Variants in TPP2 observed in about 807,000 individuals in gnomAD.
TPP2 encodes tripeptidyl peptidase 2.
In TPP2, 34 loss-of-function variants were observed where a neutral mutation model predicts 155.9. That is an observed-to-expected ratio of 0.22 (90% CI 0.17 to 0.29). The LOEUF (loss-of-function observed/expected upper bound fraction) is 0.29. TPP2 is among the 10% of genes least tolerant of loss of function. The probability of loss-of-function intolerance (pLI) is 1.00; values close to 1 mark genes in which losing one functional copy is unlikely to be tolerated. For missense variants in TPP2, 1,028 were observed against 1,522.3 expected (o/e 0.68, Z 5.40); for synonymous variants, 510 against 529.4 (o/e 0.96, Z 0.50).
intron 11 of TPP2, among the ~76,000 whole-genome samples, chr13:102,634,571 T>G (rs1360334345): frequency 6.6e-6 from 1 of 152,176 alleles, no homozygotes; most frequent in Non-Finnish European, 1.5e-5. Flanking sequence ...GTAGCCAGGC[T>G]GCTGTGAAGC....
Position 102,649,145 on chromosome 13 carries a change from A to T in TPP2, c.2867A>T (p.Asp956Val). The T allele has an allele frequency of 1.2e-6, 2 of 1,603,278 alleles. No homozygotes were observed. The highest frequency in any genetic ancestry group is 1.7e-6 in the Non-Finnish European group (2 of 1,175,184). Residue 956 changes from aspartate (D) to valine (V), a missense_variant, in exon 22 of 30, where the codon GAT (aspartate) becomes GTT (valine). Physicochemically the swap from Asp to Val is radical, Grantham distance 152. Coordinates refer to ENST00000376052, the MANE Select transcript of TPP2 (RefSeq NM_001330588.2). ...NQPFFVTSLP[D>V]DKIPKGAGPG... ...CCATTCTTTGTTACTTCCTTACCTGATGATAAGTAAGTGATAACATTGCTT... is the reference window on the plus strand; with the variant it reads ...CCATTCTTTGTTACTTCCTTACCTGTTGATAAGTAAGTGATAACATTGCTT...
intron 27 of TPP2, among the ~76,000 whole-genome samples, chr13:102,673,143 C>A (rs1423011235): frequency 6.6e-6 from 1 of 152,180 alleles, no homozygotes; most frequent in Non-Finnish European, 1.5e-5. Context: ...TGGTACTTAG[C>A]GTTCATGTTC....
chr13:102,601,802 C>G (rs1879449872), intron 1 of TPP2, among the ~76,000 whole-genome samples: 2 of 152,070 alleles, frequency 1.3e-5, no homozygotes, highest in Admixed American at 6.6e-5. Context: ...CTGTTTTTGT[C>G]TTTTTATGTC....
At chr13:102,608,753 T>C (rs1880038384) in intron 2 of TPP2, among the ~76,000 whole-genome samples, 1 of 152,130 alleles carries the variant, frequency 6.6e-6, no homozygotes, top group African/African-American at 2.4e-5. Flanking sequence ...CCTATTCTGC[T>C]TCCTCCTCTC....
intron 2 of TPP2, among the ~76,000 whole-genome samples, chr13:102,605,254 GC>G (rs1879732832): frequency 6.6e-6 from 1 of 152,186 alleles, no homozygotes. Flanking sequence ...TTGGCTCCTT[GC>G]CATTGGGCCT....
At chr13:102,604,599 AG>A (rs1879677085) in intron 1 of TPP2, among the ~76,000 whole-genome samples, 193 bp from the exon 2 acceptor site, 1 of 152,234 alleles carries the variant, frequency 6.6e-6, no homozygotes, top group Non-Finnish European at 1.5e-5. Context: ...AACGACTTGA[AG>A]GATTCTGTAG....
chr13:102,601,761 CT>C (rs1165835864), intron 1 of TPP2, among the ~76,000 whole-genome samples: 1 of 152,078 alleles, frequency 6.6e-6, no homozygotes, highest in Non-Finnish European at 1.5e-5. Flanking sequence ...GGGGGTTTGC[CT>C]TTTTAAAACC....
At chr13:102,656,879 G>A in intron 24 of TPP2, 177 bp from the exon 25 acceptor site, 1 of 491,668 alleles carries the variant, frequency 2.0e-6, no homozygotes. Flanking sequence ...CAGTTTGTGA[G>A]AAAATTACTG....
At chr13:102,671,905 A>G (rs983737708) in intron 27 of TPP2, among the ~76,000 whole-genome samples, 14 of 152,174 alleles carry the variant, frequency 9.2e-5, no homozygotes, top group Non-Finnish European at 1.8e-4. Flanking sequence ...CAGCTGTTTC[A>G]TTACTTTTAT....
rs1885168375 is a variant in TPP2, at chr13:102,674,319, C to T, written c.3408C>T (p.Ala1136=). The T allele has an allele frequency of 6.2e-7, 1 of 1,613,700 alleles. No homozygotes were observed. Among genetic ancestry groups the T allele is most frequent in the South Asian group, 1.1e-5 (1 of 91,054 alleles). Residue 1136 remains alanine (A), a synonymous_variant, in exon 28 of 30, where the codon GCC becomes GCT. Coordinates refer to ENST00000376052, the MANE Select transcript of TPP2 (RefSeq NM_001330588.2). ...MDKQKSTLVD[A]LCRKGCALAD... ...AACAAAAATCCACCCTCGTAGATGC[C>T]CTTTGTAGGAAAGGTTGTGCCCTGG...
At chr13:102,607,728 A>T (rs1221211847) in intron 2 of TPP2, 1 of 419,914 alleles carries the variant, frequency 2.4e-6, no homozygotes, top group Non-Finnish European at 4.7e-6. Context: ...CTGGGATTAC[A>T]GGCATGCGCC....
intron 20 of TPP2, among the ~76,000 whole-genome samples, chr13:102,646,672 A>G (rs1883123109): frequency 1.3e-5 from 2 of 152,190 alleles, no homozygotes; most frequent in African/African-American, 4.8e-5. Context: ...CCCAGGGGTG[A>G]TTAGATGGCT....
intron 5 of TPP2, among the ~76,000 whole-genome samples, chr13:102,619,719 T>C (rs1388809434): frequency 6.6e-6 from 1 of 152,240 alleles, no homozygotes; most frequent in Non-Finnish European, 1.5e-5. Context: ...TTGGGGATGA[T>C]GGTGTTAATA....
At chr13:102,609,465 T>G (rs1880108947) in intron 2 of TPP2, among the ~76,000 whole-genome samples, 1 of 141,168 alleles carries the variant, frequency 7.1e-6, no homozygotes, top group Admixed American at 7.6e-5. Context: ...TGGCGCGATC[T>G]CAACTCACTG....
intron 4 of TPP2, among the ~76,000 whole-genome samples, chr13:102,617,492 G>A (rs1880835567): frequency 6.6e-6 from 1 of 152,164 alleles, no homozygotes; most frequent in Admixed American, 6.5e-5. Flanking sequence ...GTTTGTGATA[G>A]CCTTTACATG....
At chr13:102,623,132 T>C (rs1881281867) in intron 6 of TPP2, 92 bp downstream of exon 6, 1 of 1,369,498 alleles carries the variant, frequency 7.3e-7, no homozygotes, top group Non-Finnish European at 9.9e-7. Flanking sequence ...CTAGAGAATT[T>C]TAAGCTAGAG....
chr13:102,652,424 ATATATAT>A, intron 24 of TPP2, among the ~76,000 whole-genome samples: 1 of 14,786 alleles, frequency 6.8e-5, no homozygotes, highest in Non-Finnish European at 1.2e-4. Context: ...ATATATATAT[ATATATAT>A]ATATATATAT....
At chr13:102,620,256 T>C (rs567630163) in intron 5 of TPP2, among the ~76,000 whole-genome samples, 1 of 152,348 alleles carries the variant, frequency 6.6e-6, no homozygotes, top group African/African-American at 2.4e-5. Flanking sequence ...ACAACTATTC[T>C]AAGGGTTTTG....
At chr13:102,652,402 A>C (rs1440902361) in intron 24 of TPP2, among the ~76,000 whole-genome samples, 4 of 1,262 alleles carry the variant, frequency 3.2e-3, no homozygotes, top group Non-Finnish European at 5.3e-3. Context: ...ACATACATAT[A>C]TATATATATA....
Sources: gnomAD v4.1 joint callset for allele counts (sites outside exome capture counted in the v4.1 genomes callset) on GRCh38, gnomAD v4.1.1 for gene constraint, MANE v1.5 for transcripts, NCBI Gene and HGNC (gene_info 2026-07-23, HGNC 2026-07-21) for gene names.